The following TCAIM variants were observed in gnomAD, a reference collection of about 807,000 sequenced individuals.
TCAIM encodes T-cell activation inhibitor, mitochondrial.
In TCAIM, 36 loss-of-function variants were observed where a neutral mutation model predicts 58.6. That is an observed-to-expected ratio of 0.61 (90% confidence interval 0.47 to 0.81). The LOEUF (loss-of-function observed/expected upper bound fraction) is 0.81. TCAIM is among the 30% of genes least tolerant of loss of function. TCAIM has a pLI of 0.00. For synonymous variants in TCAIM, 172 were observed against 193.6 expected (o/e 0.89, Z 0.93); for missense variants, 466 against 579.6 (o/e 0.80, Z 2.01).
chr3:44,374,806 C>G (rs764258773), intron 5 of TCAIM, among the ~76,000 whole-genome samples: 2 of 152,060 alleles, frequency 1.3e-5, no homozygotes, highest in Non-Finnish European at 2.9e-5. Flanking sequence ...CTATGAACTT[C>G]AGGCAGTGAA....
chr3:44,373,439 G>T (rs1159514220), intron 5 of TCAIM, among the ~76,000 whole-genome samples: 3 of 151,942 alleles, frequency 2.0e-5, no homozygotes, highest in African/African-American at 7.3e-5. Flanking sequence ...GCTGAGGTGG[G>T]CAGATCACTT....
chr3:44,374,523 A>C (rs1346110659), intron 5 of TCAIM, among the ~76,000 whole-genome samples: 1 of 152,144 alleles, frequency 6.6e-6, no homozygotes, highest in Non-Finnish European at 1.5e-5. Context: ...TGGGAGGCCA[A>C]GGCGGGAGGA....
chr3:44,372,064 AG>A (rs1553659749), intron 5 of TCAIM, among the ~76,000 whole-genome samples: 1 of 145,968 alleles, frequency 6.9e-6, no homozygotes, highest in African/African-American at 2.6e-5. Flanking sequence ...GAAGGAAGGA[AG>A]GAAGGAAGGA....
At chr3:44,404,403 G>A (rs1362851393) in intron 10 of TCAIM, among the ~76,000 whole-genome samples, 1 of 152,058 alleles carries the variant, frequency 6.6e-6, no homozygotes, top group Non-Finnish European at 1.5e-5. Context: ...GCACACAGGG[G>A]GCCTTCAGGA....
chr3:44,372,382 A>C (rs889712821), intron 5 of TCAIM, among the ~76,000 whole-genome samples: 2 of 152,172 alleles, frequency 1.3e-5, no homozygotes, highest in African/African-American at 4.8e-5. Context: ...ATTAGCCATC[A>C]TGGTCATTTT....
At chr3:44,361,246 A>G in intron 3 of TCAIM, 119 bp from the exon 4 acceptor site, 1 of 906,070 alleles carries the variant, frequency 1.1e-6, no homozygotes, top group South Asian at 3.2e-5. Flanking sequence ...TGAAATCCCA[A>G]CATTTTTAAA....
intron 5 of TCAIM, among the ~76,000 whole-genome samples, chr3:44,372,482 A>G (rs893166948): frequency 6.6e-6 from 1 of 152,184 alleles, no homozygotes; most frequent in African/African-American, 2.4e-5. Flanking sequence ...TAAGGAACAC[A>G]TGCTGAATTA....
intron 5 of TCAIM, among the ~76,000 whole-genome samples, chr3:44,388,091 G>C (rs1415209215): frequency 6.6e-6 from 1 of 151,640 alleles, no homozygotes; most frequent in Non-Finnish European, 1.5e-5. Context: ...AACCATTTGA[G>C]TAAGTTGCAG....
intron 6 of TCAIM, among the ~76,000 whole-genome samples, chr3:44,394,267 A>G (rs1701886473): frequency 6.6e-6 from 1 of 152,210 alleles, no homozygotes; most frequent in South Asian, 2.1e-4. Flanking sequence ...TTAGACTTCC[A>G]TGTGTGGAAT....
chr3:44,390,891 A>T (rs112416390), intron 5 of TCAIM, among the ~76,000 whole-genome samples: 5,767 of 152,002 alleles, frequency 0.038, 147 homozygotes, highest in Non-Finnish European at 0.061. Flanking sequence ...ACCCCCAACC[A>T]CTTTGTTTTG....
intron 10 of TCAIM, among the ~76,000 whole-genome samples, chr3:44,402,515 G>T (rs1316526148): frequency 1.3e-5 from 2 of 152,150 alleles, no homozygotes; most frequent in African/African-American, 4.8e-5. Flanking sequence ...TTTGTAGGTG[G>T]TAAGATATTG....
chr3:44,351,553 G>A (rs1318099725), intron 1 of TCAIM, among the ~76,000 whole-genome samples: 1 of 151,908 alleles, frequency 6.6e-6, no homozygotes. Context: ...GGAGTGCAGT[G>A]GCGTGATCTC....
At chr3:44,393,010 T>A (rs745849437) in intron 6 of TCAIM, 33 bp downstream of exon 6, 22 of 1,581,188 alleles carry the variant, frequency 1.4e-5, no homozygotes, top group Non-Finnish European at 3.4e-6. Context: ...ATTTAGAAAT[T>A]GAAATGAATA....
At chr3:44,396,288 T>C (rs999684994) in intron 6 of TCAIM, 112 bp from the exon 7 acceptor site, 115 of 771,396 alleles carry the variant, frequency 1.5e-4, no homozygotes, top group Admixed American at 3.0e-4. Flanking sequence ...GTTATGTGTG[T>C]GCTTCAAAAA....
chr3:44,367,584 C>G lies in TCAIM; in HGVS notation c.448C>G (p.Leu150Val), dbSNP rs1055840426. Residue 150 changes from leucine to valine, a missense_variant, in exon 5 of 11, where the codon CTC (leucine) becomes GTC (valine). Leu to Val is a conservative substitution (Grantham distance 32). Transcript: ENST00000342649. ...GAATACTAATATGCATACCCAGCCT[C>G]TCAAAGAAGCTAAAAGGATGCCTGA... ...SLNTNMHTQP[L>V]KEAKRMPDRP... 1.9e-6 allele frequency: 3 copies of G among 1,613,988 alleles called. No individual in the cohort carries two copies. In the African/African-American group the frequency reaches 4.0e-5, roughly 22 times the overall value.
chr3:44,383,557 C>T lies in TCAIM; in HGVS notation c.573-9298C>T, dbSNP rs189704858. Among the ~76,000 whole-genome samples, 128 of 151,908 alleles carry T rather than the reference C, an allele frequency of 8.4e-4. 1 individual carries two copies. The highest frequency in any genetic ancestry group is 1.6e-3 in the Non-Finnish European group (108 of 67,960). ...AGGGACTGGAGGGAGGGGAAGGGGG[C>T]GTTAGTGTTTAATGTGTACAGAGTT... On this transcript the variant is annotated intron_variant, in intron 5 of 10. Coordinates refer to ENST00000342649, the MANE Select transcript of TCAIM (RefSeq NM_173826.4).
chr3:44,356,878 A>C (rs1701203975), intron 2 of TCAIM, among the ~76,000 whole-genome samples: 1 of 151,426 alleles, frequency 6.6e-6, no homozygotes, highest in Admixed American at 6.6e-5. Context: ...CGGGAGGCTG[A>C]GGCAGGAGAG....
Position 44,367,623 on chromosome 3 carries a change from T to C in TCAIM, c.487T>C (p.Trp163Arg). Residue 163 changes from tryptophan (W) to arginine (R), a missense_variant, in exon 5 of 11, where the codon TGG becomes CGG. Physicochemically the swap from Trp to Arg is moderately radical, Grantham distance 101. Transcript: ENST00000342649. ...AKRMPDRPIK[W>R]DKSYYSFTGF... ...AAGGATGCCTGACAGGCCCATCAAA[T>C]GGGACAAGTCTTATTACTCCTTTAC... 1 of 1,614,142 alleles carries C rather than the reference T, an allele frequency of 6.2e-7. No homozygotes were observed. The highest frequency in any genetic ancestry group is 2.2e-5 in the East Asian group (1 of 44,862).
rs1702122600 is a variant in TCAIM at position 44,407,681 on chromosome 3, A to G, written c.1490A>G (p.Ter497=). ...WNWKNGEAIK[*] The stretch of plus-strand genomic sequence containing the variant: ...TGGAAGAATGGAGAAGCCATTAAGT[A>G]ACACAGAAATCTGTTTTATTTTTTT... Residue 497 remains the stop codon, a stop_retained_variant, in exon 11 of 11, where the codon TAA becomes TGA. Transcript: ENST00000342649. The G allele has an allele frequency of 1.3e-6, 2 of 1,577,502 alleles. No homozygotes were observed. The highest frequency in any genetic ancestry group is 1.7e-6 in the Non-Finnish European group (2 of 1,167,290).
Sources: gnomAD v4.1 joint callset for allele counts (sites outside exome capture counted in the v4.1 genomes callset) on GRCh38, gnomAD v4.1.1 for gene constraint, MANE v1.5 for transcripts, NCBI Gene and HGNC (gene_info 2026-07-23, HGNC 2026-07-21) for gene names.